UBN1: variants seen among roughly 807,000 people sequenced by gnomAD.
UBN1 encodes the protein ubinuclein 1.
UBN1 carries 17 observed loss-of-function variants against 108.5 expected under a neutral mutation model. The ratio of observed to expected loss-of-function variants is 0.16; its 90% CI spans 0.11 to 0.24. The LOEUF (loss-of-function observed/expected upper bound fraction) is 0.24, where lower values mean the gene tolerates loss of function less well. UBN1 is among the 10% of genes least tolerant of loss of function. The pLI is 1.00. For missense variants in UBN1, 1,595 were observed against 1,394.4 expected (o/e 1.14, Z -2.29); for synonymous variants, 726 against 564.2 (o/e 1.29, Z -4.07).
chr16:4,875,161 C>T lies in UBN1; in HGVS notation c.2751C>T (p.Ser917=), dbSNP rs147680334. The T allele has an allele frequency of 4.4e-5, 71 of 1,614,140 alleles. No homozygotes were observed. Among genetic ancestry groups the T allele is most frequent in the Middle Eastern group, 3.3e-4 (2 of 6,084 alleles). The change falls in exon 15 of 18, where the codon AGC becomes AGT. Residue 917 remains serine (S), a synonymous_variant. Coordinates refer to ENST00000262376, the MANE Select transcript of UBN1 (RefSeq NM_001079514.3). The part of the protein sequence containing the change: ...SISKHGVSSG[S]SSSGGTPVQS... ...CCAAACATGGGGTTTCTTCTGGCAG[C>T]TCTTCCTCGGGAGGAACACCAGTCC... is the stretch of plus-strand genomic sequence containing the variant.
intron 7 of UBN1, among the ~76,000 whole-genome samples, chr16:4,864,067 G>C (rs989286004): frequency 7.3e-6 from 1 of 137,070 alleles, no homozygotes; most frequent in Admixed American, 7.5e-5. Context: ...GTTTGTTGTT[G>C]TTGTTGCCTT....
chr16:4,870,736 T>C, intron 10 of UBN1, 102 bp downstream of exon 10: 2 of 1,585,698 alleles, frequency 1.3e-6, no homozygotes, highest in South Asian at 1.1e-5. Context: ...CTCTTGGCTC[T>C]TCTTTGGCCT....
intron 2 of UBN1, among the ~76,000 whole-genome samples, chr16:4,856,276 G>T (rs1289814233): frequency 1.3e-5 from 2 of 152,134 alleles, no homozygotes; most frequent in East Asian, 3.8e-4. Context: ...GATACACAGA[G>T]AATTTTGATC....
intron 5 of UBN1, among the ~76,000 whole-genome samples, chr16:4,859,642 C>T (rs1418767497): frequency 1.3e-5 from 2 of 152,160 alleles, no homozygotes; most frequent in East Asian, 3.9e-4. Flanking sequence ...GTTTCAGGCT[C>T]CAGAATGGTC....
chr16:4,869,323 C>T (rs151275707), intron 8 of UBN1, among the ~76,000 whole-genome samples: 46 of 152,336 alleles, frequency 3.0e-4, no homozygotes, highest in Admixed American at 5.9e-4. Context: ...CTGTTCCGCT[C>T]GCTGGCACTC....
intron 2 of UBN1, among the ~76,000 whole-genome samples, chr16:4,856,688 G>A (rs992118509): frequency 3.3e-5 from 5 of 152,186 alleles, no homozygotes; most frequent in Admixed American, 2.6e-4. Context: ...GACTGCTGTT[G>A]GCAAGGCGTT....
In UBN1 at chr16:4,861,204, T is replaced by C. The variant is rs548925320; in HGVS notation, c.1110+102T>C. 937 of 1,319,308 alleles carry C rather than the reference T, an allele frequency of 7.1e-4. 2 individuals carry two copies. The highest frequency in any genetic ancestry group is 8.9e-4 in the Non-Finnish European group (882 of 986,098). 81.7% of individuals were successfully genotyped at this position (1,319,308 alleles called of 1,614,324 possible). A position where few individuals can be genotyped will look rare whatever the true frequency, so the allele number is the denominator to read the frequency against. ...CTTGCCCAGAGAAACTCTTAGTGAG[T>C]TGGCAGTTAAGGTGTCAGCTTTTTC... On this transcript the variant is annotated intron_variant, in intron 7 of 17. Transcript: ENST00000262376.
Position 4,853,166 on chromosome 16 carries a change from G to C in UBN1, c.249G>C (p.Lys83Asn). Reference sequence around the variant, plus strand: ...TAAAAGGCCTTCAGCCTGGAGATAAGGTACACCCCTTTGTTCCCAGAGGCG... The same window carrying C: ...TAAAAGGCCTTCAGCCTGGAGATAACGTACACCCCTTTGTTCCCAGAGGCG... ...GKVKGLQPGD[K>N]KKDLSDPFND... The change falls in exon 2 of 18, where the codon AAG becomes AAC. Residue 83 changes from lysine (K) to asparagine (N), a missense_variant and splice_region_variant. Lys to Asn is a moderately conservative substitution (Grantham distance 94, BLOSUM62 0). This residue lies in a region of UBN1 where 181 missense variants were observed against 157.3 expected (regional missense o/e 1.15). Coordinates refer to ENST00000262376, the MANE Select transcript of UBN1 (RefSeq NM_001079514.3). The C allele has an allele frequency of 6.2e-7, 1 of 1,614,014 alleles. No homozygotes were observed. The highest frequency in any genetic ancestry group is 8.5e-7 in the Non-Finnish European group (1 of 1,180,000).
chr16:4,852,074 A>G (rs1209460612), intron 1 of UBN1: 1 of 152,242 alleles, frequency 6.6e-6, no homozygotes, highest in Non-Finnish European at 1.5e-5. Context: ...TTTCTTGTAT[A>G]AACAAGGCTG....
intron 1 of UBN1, among the ~76,000 whole-genome samples, chr16:4,850,360 G>C (rs192007572): frequency 2.6e-5 from 4 of 152,208 alleles, no homozygotes. Context: ...ATAAGGTTAT[G>C]TGTTTACTGC....
At position 4,880,056 on chromosome 16, in the gene UBN1, G is replaced by A. The variant is rs772783900; in HGVS notation, c.3356-27G>A. The A allele has an allele frequency of 3.0e-5, 48 of 1,613,400 alleles. 2 individuals are homozygous for A. The South Asian group carries it at 4.0e-4, about 13-fold the overall frequency. On this transcript the variant is annotated intron_variant, in intron 17 of 17. Transcript: ENST00000262376. ...AAATCAGAGAGCATGAAAAACTTGC[G>A]TTCTAATTTTTCTTACTCTTTTCCA...
intron 7 of UBN1, among the ~76,000 whole-genome samples, chr16:4,868,385 G>C (rs534649670): frequency 6.6e-6 from 1 of 152,294 alleles, no homozygotes; most frequent in South Asian, 2.1e-4. Flanking sequence ...ATGTCCTTAA[G>C]TGTTAGAGCT....
intron 2 of UBN1, among the ~76,000 whole-genome samples, chr16:4,853,933 A>G (rs534917875): frequency 1.8e-4 from 28 of 152,146 alleles, no homozygotes; most frequent in Non-Finnish European, 3.8e-4. Context: ...TATATTTATC[A>G]GGACCCCAGA....
intron 1 of UBN1, among the ~76,000 whole-genome samples, chr16:4,850,620 G>A (rs139893802): frequency 3.3e-5 from 5 of 152,282 alleles, no homozygotes; most frequent in African/African-American, 1.2e-4. Context: ...CTTTTGCAGC[G>A]CCAGCCTGTT....
chr16:4,861,249 G>T (rs1040851942), intron 7 of UBN1, 147 bp downstream of exon 7: 7 of 931,260 alleles, frequency 7.5e-6, no homozygotes, highest in Non-Finnish European at 1.1e-5. Flanking sequence ...TTCTCATCCT[G>T]AGGGAGAAAA....
rs2086933206 is a variant in UBN1 at position 4,859,015 on chromosome 16, C to T, written c.433-10C>T. 6.2e-7 allele frequency: 1 copy of T among 1,610,698 alleles called. No individual in the cohort carries two copies. The highest frequency in any genetic ancestry group is 1.7e-5 in the Admixed American group (1 of 59,102). ...GAACTTGGAGCTGACAGTTTGTTTC[C>T]CATCTTCAGTATGATGAGCTTGTTC... On this transcript the variant is annotated splice_polypyrimidine_tract_variant and intron_variant, in intron 4 of 17. Coordinates refer to ENST00000262376, the MANE Select transcript of UBN1 (RefSeq NM_001079514.3).
At chr16:4,855,706 G>GTCA (rs1884526019) in intron 2 of UBN1, among the ~76,000 whole-genome samples, 1 of 146,758 alleles carries the variant, frequency 6.8e-6, no homozygotes, top group Non-Finnish European at 1.5e-5. Context: ...ATCACTTGAT[G>GTCA]TCAGGAGTTT....
chr16:4,857,178 C>A (rs1307890050), intron 2 of UBN1, among the ~76,000 whole-genome samples: 1 of 150,766 alleles, frequency 6.6e-6, no homozygotes, highest in South Asian at 2.1e-4. Context: ...CCTATCTATA[C>A]AAAAAACTTA....
In UBN1 at chr16:4,857,995, A is replaced by G. The variant is rs774884668; in HGVS notation, c.255A>G (p.Lys85=). ...GTGGAACGATCTCTTTACAGAAGAAAGATCTGTCAGATCCTTTCAATGACG... is the reference window on the plus strand; with the variant it reads ...GTGGAACGATCTCTTTACAGAAGAAGGATCTGTCAGATCCTTTCAATGACG... ...VKGLQPGDKK[K]DLSDPFNDEE... The change falls in exon 3 of 18, where the codon AAA becomes AAG. Residue 85 remains lysine, a synonymous_variant. Coordinates refer to ENST00000262376, the MANE Select transcript of UBN1 (RefSeq NM_001079514.3). 1.2e-6 allele frequency: 2 copies of G among 1,610,434 alleles called. No individual in the cohort carries two copies. Among genetic ancestry groups the G allele is most frequent in the Non-Finnish European group, 8.5e-7 (1 of 1,178,478 alleles).
Sources: allele counts gnomAD v4.1 joint callset (sites outside exome capture counted in the v4.1 genomes callset), GRCh38; gene constraint gnomAD v4.1.1; regional missense constraint gnomAD v4.1.1; transcripts MANE v1.5; gene names NCBI Gene and HGNC (gene_info 2026-07-23, HGNC 2026-07-21).